MPPED1: variants seen among roughly 807,000 people sequenced by gnomAD.
The protein encoded by MPPED1 is metallophosphoesterase domain-containing protein 1.
A neutral mutation model predicts 36.2 loss-of-function variants in MPPED1; 16 were observed. The ratio of observed to expected loss-of-function variants is 0.44; its 90% CI spans 0.30 to 0.67. MPPED1 has a LOEUF of 0.67. MPPED1 is among the 30% of genes least tolerant of loss of function. The pLI, the probability that MPPED1 is intolerant of heterozygous loss-of-function variation, is 0.10. For missense variants in MPPED1, 307 were observed against 453.4 expected, an observed-to-expected ratio of 0.68 and a Z score of 2.93; for synonymous variants, 199 against 191.3, an observed-to-expected ratio of 1.04 and a Z score of -0.33.
chr22:43,414,998 A>C (rs1350443164), intron 1 of MPPED1, among the ~76,000 whole-genome samples: 1 of 152,056 alleles, frequency 6.6e-6, no homozygotes, highest in African/African-American at 2.4e-5. Context: ...CTAGGACCAG[A>C]AGTGTCCAAC....
At chr22:43,438,741 C>T (rs1478824028) in intron 3 of MPPED1, among the ~76,000 whole-genome samples, 1 of 152,094 alleles carries the variant, frequency 6.6e-6, no homozygotes, top group African/African-American at 2.4e-5. Context: ...AGGCAACGCT[C>T]CTGGGTGTCT....
intron 3 of MPPED1, among the ~76,000 whole-genome samples, chr22:43,461,473 G>A (rs1378172074): frequency 6.6e-6 from 1 of 152,194 alleles, no homozygotes; most frequent in Non-Finnish European, 1.5e-5. Flanking sequence ...TAAAAAGGTA[G>A]ATTTTGACAA....
At chr22:43,495,551 GAGATGGTGGTGGTGGAGGTGA>G (rs1396592243) in intron 4 of MPPED1, among the ~76,000 whole-genome samples, 2 of 115,052 alleles carry the variant, frequency 1.7e-5, no homozygotes, top group Non-Finnish European at 3.8e-5. Flanking sequence ...GGTGGTGGTG[GAGATGGTGGTGGTGGAGGTGA>G]TGGTGGAGGT....
intron 3 of MPPED1, among the ~76,000 whole-genome samples, chr22:43,444,562 C>T (rs1445951240): frequency 6.6e-6 from 1 of 151,880 alleles, no homozygotes; most frequent in African/African-American, 2.4e-5. Flanking sequence ...GGGGTTTCAC[C>T]ATGTTGGCCA....
At position 43,435,063 on chromosome 22, in the gene MPPED1, A is replaced by C. The variant is rs768475765; in HGVS notation, c.254A>C (p.Lys85Thr). 8.7e-6 allele frequency: 14 copies of C among 1,613,714 alleles called. No homozygotes were observed. Among genetic ancestry groups the C allele is most frequent in the South Asian group, 3.3e-5 (3 of 91,074 alleles). Residue 85 changes from lysine (K) to threonine (T), a missense_variant, in exon 3 of 7, where the codon AAA becomes ACA. This residue lies in a region of MPPED1 where 169 missense variants were observed against 212.3 expected (regional missense o/e 0.80). Coordinates refer to ENST00000443721, the MANE Select transcript of MPPED1 (RefSeq NM_001044370.2). ...GACCCGGTGCCTCACGATGCCCCCAAACCTCCAGGCTACACCCGCTTCGTC... is the reference window on the plus strand; with the variant it reads ...GACCCGGTGCCTCACGATGCCCCCACACCTCCAGGCTACACCCGCTTCGTC... ...MVDPVPHDAP[K>T]PPGYTRFVCV...
chr22:43,445,721 C>T (rs1445770899), intron 3 of MPPED1, among the ~76,000 whole-genome samples: 1 of 151,842 alleles, frequency 6.6e-6, no homozygotes, highest in Non-Finnish European at 1.5e-5. Context: ...CAGGCATGCA[C>T]CACCATGCCT....
chr22:43,470,927 A>G (rs1931353617), intron 3 of MPPED1, among the ~76,000 whole-genome samples: 1 of 152,224 alleles, frequency 6.6e-6, no homozygotes, highest in South Asian at 2.1e-4. Context: ...CCTCCAAGCC[A>G]TGGAGCAGAC....
At chr22:43,441,980 A>C (rs1930163454) in intron 3 of MPPED1, among the ~76,000 whole-genome samples, 1 of 152,168 alleles carries the variant, frequency 6.6e-6, no homozygotes, top group African/African-American at 2.4e-5. Flanking sequence ...CGGGGGCTTC[A>C]GAAAGGAGCA....
intron 1 of MPPED1, among the ~76,000 whole-genome samples, chr22:43,423,416 C>T (rs1224105671): frequency 6.6e-6 from 1 of 152,210 alleles, no homozygotes; most frequent in East Asian, 1.9e-4. Context: ...AGCCAATTCA[C>T]TTTGAAACAA....
At chr22:43,471,550 G>C (rs1033022239) in intron 3 of MPPED1, among the ~76,000 whole-genome samples, 8 of 152,210 alleles carry the variant, frequency 5.3e-5, no homozygotes, top group Non-Finnish European at 1.2e-4. Flanking sequence ...TACCTTGGGG[G>C]TGCTCTAGGG....
intron 4 of MPPED1, among the ~76,000 whole-genome samples, chr22:43,483,462 G>C (rs1377307234): frequency 6.6e-6 from 1 of 152,260 alleles, no homozygotes; most frequent in East Asian, 1.9e-4. Flanking sequence ...CCCAGGTGTC[G>C]GTTTGGACTG....
At chr22:43,430,202 A>C (rs1375735953) in intron 2 of MPPED1, among the ~76,000 whole-genome samples, 1 of 152,172 alleles carries the variant, frequency 6.6e-6, no homozygotes, top group Non-Finnish European at 1.5e-5. Context: ...CCATGTCTGC[A>C]GGAATAGGGT....
chr22:43,487,045 C>T (rs2146899925), intron 4 of MPPED1, among the ~76,000 whole-genome samples: 1 of 152,210 alleles, frequency 6.6e-6, no homozygotes, highest in South Asian at 2.1e-4. Flanking sequence ...TAGTTCCTCC[C>T]ACCTTCCTGT....
Position 43,476,582 on chromosome 22 carries a change from A to T in MPPED1, c.632+1621A>T, listed in dbSNP as rs917174533. ...CTCATGGTGACCACCTAGTGGCTGGAGGCGGCAGGCAGATTTAGGACCTGG... is the reference window on the plus strand; with the variant it reads ...CTCATGGTGACCACCTAGTGGCTGGTGGCGGCAGGCAGATTTAGGACCTGG... On this transcript the variant is annotated intron_variant, in intron 4 of 6. Coordinates refer to ENST00000443721, the MANE Select transcript of MPPED1 (RefSeq NM_001044370.2). Among the ~76,000 whole-genome samples, 25 of 152,206 alleles carry T rather than the reference A, an allele frequency of 1.6e-4. No homozygotes were observed. The East Asian group carries it at 4.6e-3, about 28-fold the overall frequency.
At chr22:43,498,472 G>A (rs1158122315) in intron 5 of MPPED1, 122 bp downstream of exon 5, 10 of 661,948 alleles carry the variant, frequency 1.5e-5, no homozygotes, top group Non-Finnish European at 2.5e-5. Context: ...CCCACTTGCT[G>A]GGGCACTGAG....
intron 2 of MPPED1, among the ~76,000 whole-genome samples, chr22:43,426,025 G>A (rs1929456375): frequency 2.0e-5 from 3 of 152,186 alleles, no homozygotes; most frequent in Non-Finnish European, 4.4e-5. Flanking sequence ...CCTGCTCTGG[G>A]TGGTTCCCTG....
chr22:43,463,807 T>TTTTCTTTCTTTCTTTCTTTC (rs695374), intron 3 of MPPED1, among the ~76,000 whole-genome samples: 5 of 113,004 alleles, frequency 4.4e-5, no homozygotes, highest in South Asian at 3.1e-4. Flanking sequence ...TCATTTTTTC[T>TTTTCTTTCTTTCTTTCTTTC]TTTCTTTCTT....
At chr22:43,418,201 A>G (rs1929142538) in intron 1 of MPPED1, 2 of 455,726 alleles carry the variant, frequency 4.4e-6, no homozygotes, top group South Asian at 3.1e-5. Flanking sequence ...AGCACTTTCG[A>G]GAGCCGGAGA....
At chr22:43,505,008 T>A (rs62638149) in intron 6 of MPPED1, among the ~76,000 whole-genome samples, 6,231 of 151,976 alleles carry the variant, frequency 0.041, 187 homozygotes, top group Admixed American at 0.077. Context: ...ATGGTAATGG[T>A]GGTGGAGGTA....
Sources: allele counts gnomAD v4.1 joint callset (sites outside exome capture counted in the v4.1 genomes callset), GRCh38; gene constraint gnomAD v4.1.1; regional missense constraint gnomAD v4.1.1; transcripts MANE v1.5; gene names NCBI Gene and HGNC (gene_info 2026-07-23, HGNC 2026-07-21).